Variants in ATG9A observed in about 807,000 individuals in gnomAD.
ATG9A encodes the protein autophagy related 9A.
A neutral mutation model predicts 87.1 loss-of-function variants in ATG9A; 21 were observed. The observed-to-expected ratio is 0.24, with a 90% confidence interval of 0.17 to 0.35. The LOEUF (loss-of-function observed/expected upper bound fraction) is 0.35, where lower values mean the gene tolerates loss of function less well. Among genes scored for constraint, ATG9A ranks in the 10% least tolerant of loss-of-function variants. ATG9A has a pLI of 1.00. For missense variants in ATG9A, 836 were observed against 1,107.3 expected (o/e 0.76, Z 3.48); for synonymous variants, 422 against 441.3 (o/e 0.96, Z 0.55).
intron 5 of ATG9A, among the ~76,000 whole-genome samples, chr2:219,226,565 G>A (rs1377279314): frequency 1.3e-5 from 2 of 152,064 alleles, no homozygotes; most frequent in Non-Finnish European, 2.9e-5. Context: ...GCACATGCCT[G>A]TAGTCCCAGC....
In ATG9A at chr2:219,222,282, T is replaced by A; in HGVS notation, c.2017A>T (p.Thr673Ser). The change falls in exon 12 of 16, where the codon ACA (threonine) becomes TCA (serine). Residue 673 changes from threonine (T) to serine (S), a missense_variant. Physicochemically the swap from Thr to Ser is moderately conservative, Grantham distance 58. Around this residue, in one of 2 missense-constraint regions of ATG9A, gnomAD observed 324 missense variants for 347.6 expected, o/e 0.93. Coordinates refer to ENST00000361242, the MANE Select transcript of ATG9A (RefSeq NM_001077198.3). The surrounding 1 kb of genome is among the most constrained non-coding windows in gnomAD (Gnocchi z 4.3). ...CCCCGATTTACTCACCCAGAGCCTG[T>A]CATGGTGCTGTGAGCCCGGCCTGTG... ...APTGRAHSTM[T>S]GSGVDARTAS... 5 of 1,613,464 alleles carry A rather than the reference T, an allele frequency of 3.1e-6. No individual in the cohort carries two copies. The highest frequency in any genetic ancestry group is 4.2e-6 in the Non-Finnish European group (5 of 1,180,020).
Position 219,221,234 on chromosome 2 carries a change from A to G in ATG9A, c.2214T>C (p.Ser738=), listed in dbSNP as rs1280323203. The change falls in exon 14 of 16, where the codon AGT becomes AGC. Residue 738 remains serine (S), a synonymous_variant. Transcript: ENST00000361242. ...CCCCTTCATCAGGGGCGCTTTCTCC[A>G]CTCTCATCACTCTCCCGGCGGTGCC... The part of the protein sequence containing the change: ...HVWHRRESDE[S]GESAPDEGGE... The G allele has an allele frequency of 6.3e-7, 1 of 1,576,570 alleles. No homozygotes were observed. Among genetic ancestry groups the G allele is most frequent in the African/African-American group, 1.4e-5 (1 of 72,924 alleles).
Position 219,225,392 on chromosome 2 carries a change from CTT to C in ATG9A, c.374+17_374+18del, listed in dbSNP as rs761468780. On this transcript the variant is annotated intron_variant, in intron 6 of 15. Transcript: ENST00000361242. ...GCAGAACTCAAGGCTATGGTGTCCT[CTT>C]GACTTGCAGCCCTTACCTGGCACTA... 6 of 1,612,806 alleles carry C rather than the reference CTT, an allele frequency of 3.7e-6. No homozygotes were observed. In the African/African-American group the frequency reaches 8.0e-5, roughly 22 times the overall value.
At position 219,225,588 on chromosome 2, in the gene ATG9A, G is replaced by A. The variant is rs1308422982; in HGVS notation, c.213-16C>T. On this transcript the variant is annotated splice_polypyrimidine_tract_variant and intron_variant, in intron 5 of 15. Coordinates refer to ENST00000361242, the MANE Select transcript of ATG9A (RefSeq NM_001077198.3). Reference sequence around the variant, plus strand: ...GAGGAACTGCCTGGGGAGTTGGGAAGAAGGGGTGCAGTCTGAGAGCCAGAG... The same window carrying A: ...GAGGAACTGCCTGGGGAGTTGGGAAAAAGGGGTGCAGTCTGAGAGCCAGAG... 6.2e-7 allele frequency: 1 copy of A among 1,612,828 alleles called. No individual in the cohort carries two copies. Among genetic ancestry groups the A allele is most frequent in the African/African-American group, 1.3e-5 (1 of 75,030 alleles).
chr2:219,225,682 G>A, intron 5 of ATG9A, 110 bp from the exon 6 acceptor site: 1 of 1,250,350 alleles, frequency 8.0e-7, no homozygotes, highest in South Asian at 1.5e-5. Context: ...GAACTGGAAG[G>A]GCCTGGAGAA....
rs1950757548 is a variant in ATG9A, at chr2:219,221,454, C to T, written c.2146-152G>A. Reference sequence around the variant, plus strand: ...ATTATGTTAATAGTGTGTAATATACCTCTGATCTTTACAGGTTACATTCAC... The same window carrying T: ...ATTATGTTAATAGTGTGTAATATACTTCTGATCTTTACAGGTTACATTCAC... On this transcript the variant is annotated intron_variant, in intron 13 of 15. Coordinates refer to ENST00000361242, the MANE Select transcript of ATG9A (RefSeq NM_001077198.3). 4.4e-6 allele frequency: 3 copies of T among 684,690 alleles called. No individual in the cohort carries two copies. In the South Asian group the frequency reaches 6.9e-5, roughly 16 times the overall value. The allele number at this position is 684,690 out of a possible 1,614,324, so 42.4% of individuals were successfully genotyped here.
chr2:219,226,815 G>A, intron 5 of ATG9A, 54 bp downstream of exon 5: 1 of 1,516,696 alleles, frequency 6.6e-7, no homozygotes, highest in Non-Finnish European at 9.2e-7. Context: ...TGCAAGGAGA[G>A]GAAAGACTAA....
intron 4 of ATG9A, 92 bp downstream of exon 4, chr2:219,227,678 T>TA (rs1201519731): frequency 4.1e-6 from 6 of 1,455,790 alleles, no homozygotes; most frequent in Non-Finnish European, 5.7e-6. Flanking sequence ...TTCCAGGTAT[T>TA]AGAGTCAAAC....
rs566526420 is a variant in ATG9A at position 219,223,660 on chromosome 2, G to A, written c.1524C>T (p.Phe508=). 2.5e-6 allele frequency: 4 copies of A among 1,613,954 alleles called. No homozygotes were observed. The South Asian group carries it at 3.3e-5, about 13-fold the overall frequency. The change falls in exon 10 of 16, where the codon TTC becomes TTT. Residue 508 remains phenylalanine (F), a synonymous_variant. Transcript: ENST00000361242. The surrounding 1 kb of genome is among the most constrained non-coding windows in gnomAD (Gnocchi z 4.7). ...ALEIIDFFRN[F]TVEVVGVGDT... ...CTCCCACACCAACGACCTCCACGGTGAAGTTTCGGAAGAAGTCTATAATCT... is the reference window on the plus strand; with the variant it reads ...CTCCCACACCAACGACCTCCACGGTAAAGTTTCGGAAGAAGTCTATAATCT...
Position 219,222,534 on chromosome 2 carries a change from G to C in ATG9A, c.1849-84C>G, listed in dbSNP as rs1950783258. 6.4e-7 allele frequency: 1 copy of C among 1,567,084 alleles called. No individual in the cohort carries two copies. The highest frequency in any genetic ancestry group is 1.4e-5 in the African/African-American group (1 of 73,736). Reference sequence around the variant, plus strand: ...CTAGTATTCTGTATCTCAGGCCCCAGTGGCACATACTGAAGAGACAGCAGG... The same window carrying C: ...CTAGTATTCTGTATCTCAGGCCCCACTGGCACATACTGAAGAGACAGCAGG... On this transcript the variant is annotated intron_variant, in intron 11 of 15. Transcript: ENST00000361242. The surrounding 1 kb of genome is among the most constrained non-coding windows in gnomAD (Gnocchi z 4.3).
Position 219,228,050 on chromosome 2 carries a change from C to A in ATG9A, c.-26G>T. ...CACCACCGCCCCCTGTCCACCTTGA[C>A]CACCTGCCAATAAGGAGGAAGAAGA... On this transcript the variant is annotated 5_prime_UTR_variant, in exon 3 of 16. Coordinates refer to ENST00000361242, the MANE Select transcript of ATG9A (RefSeq NM_001077198.3). 1 of 1,592,166 alleles carries A rather than the reference C, an allele frequency of 6.3e-7. No individual in the cohort carries two copies. Among genetic ancestry groups the A allele is most frequent in the Non-Finnish European group, 8.6e-7 (1 of 1,162,914 alleles).
rs1373350457 is a variant in ATG9A at position 219,220,902 on chromosome 2, C to T, written c.2369-10G>A. On this transcript the variant is annotated splice_polypyrimidine_tract_variant and intron_variant, in intron 14 of 15. Transcript: ENST00000361242. The stretch of plus-strand genomic sequence containing the variant: ...GGCACTGTGCCAGGATCTGGAGAGA[C>T]AAGTAAGAGTAAGCATACTCATAGA... 2 of 1,610,838 alleles carry T rather than the reference C, an allele frequency of 1.2e-6. No individual in the cohort carries two copies. The highest frequency in any genetic ancestry group is 1.7e-6 in the Non-Finnish European group (2 of 1,179,428).
chr2:219,222,171 T>C lies in ATG9A; in HGVS notation c.2028-4A>G. ...GCTGGCTGTCCTGGCATCCACCCTGTCTCTCCCAACAGAGACAGACAGCAG... is the reference window on the plus strand; with the variant it reads ...GCTGGCTGTCCTGGCATCCACCCTGCCTCTCCCAACAGAGACAGACAGCAG... On this transcript the variant is annotated splice_polypyrimidine_tract_variant and splice_region_variant and intron_variant, in intron 12 of 15. Transcript: ENST00000361242. The surrounding 1 kb of genome is among the most constrained non-coding windows in gnomAD (Gnocchi z 4.3). The C allele has an allele frequency of 6.2e-7, 1 of 1,613,878 alleles. No homozygotes were observed. The highest frequency in any genetic ancestry group is 8.5e-7 in the Non-Finnish European group (1 of 1,179,944).
At position 219,224,578 on chromosome 2, in the gene ATG9A, T is replaced by G; in HGVS notation, c.793A>C (p.Asn265His). Residue 265 changes from asparagine to histidine, a missense_variant, in exon 8 of 16, where the codon AAT becomes CAT. By Grantham distance (68) the Asn-to-His change is moderately conservative. Coordinates refer to ENST00000361242, the MANE Select transcript of ATG9A (RefSeq NM_001077198.3). This position sits in a 1 kb window ranked among gnomAD's most constrained non-coding sequence, Gnocchi z 7.7. ...LFWGPGSLFL[N>H]EWSLKAEYKR... ...TACTCGGCCTTGAGGCTCCATTCAT[T>G]GAGAAACAGAGAGCCAGGTCCCCAG... The G allele has an allele frequency of 1.2e-6, 2 of 1,614,146 alleles. No homozygotes were observed. The highest frequency in any genetic ancestry group is 1.7e-6 in the Non-Finnish European group (2 of 1,180,034).
In ATG9A at chr2:219,221,070, C is replaced by A. The variant is rs770511451; in HGVS notation, c.2368+10G>T. 6.2e-7 allele frequency: 1 copy of A among 1,612,314 alleles called. No individual in the cohort carries two copies. Among genetic ancestry groups the A allele is most frequent in the African/African-American group, 1.3e-5 (1 of 74,968 alleles). ...CAGCCTCTGTTTCCTCCTATACCCC[C>A]ACTGGATACCTGTGATGCCACCGTA... On this transcript the variant is annotated intron_variant, in intron 14 of 15. Transcript: ENST00000361242.
chr2:219,227,684 C>G (rs1485858038), intron 4 of ATG9A, 86 bp downstream of exon 4: 1 of 1,511,720 alleles, frequency 6.6e-7, no homozygotes, highest in South Asian at 1.2e-5. Flanking sequence ...GTATTAGAGT[C>G]AAACCTACCC....
rs777052182 is a variant in ATG9A at position 219,222,753 on chromosome 2, G to C, written c.1740C>G (p.Leu580=). ...PRESTAFLGF[L]KEQVQRDGAA... ...CTCCATCCCGCTGAACCTGCTCCTT[G>C]AGGAAGCCTAGGAAGGCTGTGCTCT... Residue 580 remains leucine, a synonymous_variant, in exon 11 of 16, where the codon CTC becomes CTG. Coordinates refer to ENST00000361242, the MANE Select transcript of ATG9A (RefSeq NM_001077198.3). The surrounding 1 kb of genome is among the most constrained non-coding windows in gnomAD (Gnocchi z 4.3). 3.1e-6 allele frequency: 5 copies of C among 1,614,034 alleles called. No individual in the cohort carries two copies. In the South Asian group the frequency reaches 3.3e-5, roughly 11 times the overall value.
rs576470331 is a variant in ATG9A, at chr2:219,224,835, G to A, written c.536C>T (p.Thr179Met). The change falls in exon 8 of 16, where the codon ACG (threonine) becomes ATG (methionine). Residue 179 changes from threonine to methionine, a missense_variant. Thr to Met is a moderately conservative substitution (Grantham distance 81). This residue lies in a region of ATG9A where 512 missense variants were observed against 759.6 expected (regional missense o/e 0.67). Transcript: ENST00000361242. The surrounding 1 kb of genome is among the most constrained non-coding windows in gnomAD (Gnocchi z 7.7). ...RIPMSALPYC[T>M]WQEVQARIVQ... ...GATCCGGGCCTGCACTTCTTGCCACGTGCAATACGGAAGGGCAGACTGCGG... is the reference window on the plus strand; with the variant it reads ...GATCCGGGCCTGCACTTCTTGCCACATGCAATACGGAAGGGCAGACTGCGG... The A allele has an allele frequency of 5.3e-5, 85 of 1,611,284 alleles. 1 individual carries two copies. The South Asian group carries it at 5.8e-4, about 11-fold the overall frequency.
Position 219,229,201 on chromosome 2 carries a change from G to C in ATG9A, c.-82+334C>G, listed in dbSNP as rs1188726372. 2.0e-5 allele frequency: 3 copies of C among 152,130 alleles called. No individual in the cohort carries two copies. Among genetic ancestry groups the C allele is most frequent in the Non-Finnish European group, 4.4e-5 (3 of 68,004 alleles). 9.4% of individuals were successfully genotyped at this position (152,130 alleles called of 1,614,324 possible). On this transcript the variant is annotated intron_variant, in intron 1 of 15. Coordinates refer to ENST00000361242, the MANE Select transcript of ATG9A (RefSeq NM_001077198.3). This position sits in a 1 kb window ranked among gnomAD's most constrained non-coding sequence, Gnocchi z 4.2. ...TGCGGATGTTGCAGGGATCGAGTCA[G>C]CCTTACAGCTGATAGCCCGGGTGGG...
Sources: gnomAD v4.1 joint callset for allele counts (sites outside exome capture counted in the v4.1 genomes callset) on GRCh38, gnomAD v4.1.1 for gene constraint, gnomAD v4.1.1 regional missense constraint, Gnocchi (gnomAD v3.1) non-coding constraint, MANE v1.5 for transcripts, NCBI Gene and HGNC (gene_info 2026-07-23, HGNC 2026-07-21) for gene names.